The following MYPN variants were observed in gnomAD, a reference collection of about 807,000 sequenced individuals.
MYPN encodes sarcomeric protein myopalladin, 145 kDa (MYOP).
In MYPN, 63 loss-of-function variants were observed where a neutral mutation model predicts 129.4. The observed-to-expected ratio is 0.49, with a 90% CI of 0.40 to 0.60. The LOEUF (loss-of-function observed/expected upper bound fraction) is 0.60. MYPN is among the 20% of genes least tolerant of loss of function. The probability of loss-of-function intolerance (pLI) is 0.00; values close to 1 mark genes in which losing one functional copy is unlikely to be tolerated. For synonymous variants in MYPN, 629 were observed against 600.9 expected (o/e 1.05, Z -0.68); for missense variants, 1,596 against 1,635.4 (o/e 0.98, Z 0.42).
At chr10:68,128,748 G>T (rs2042364147) in intron 2 of MYPN, among the ~76,000 whole-genome samples, 1 of 152,182 alleles carries the variant, frequency 6.6e-6, no homozygotes, top group African/African-American at 2.4e-5. Flanking sequence ...AGGTTTTCTT[G>T]AAAATCAATA....
At chr10:68,160,128 C>A (rs2042948745) in intron 7 of MYPN, among the ~76,000 whole-genome samples, 1 of 151,992 alleles carries the variant, frequency 6.6e-6, no homozygotes, top group Non-Finnish European at 1.5e-5. Context: ...CTGAGAGATG[C>A]CGGGCACAGT....
chr10:68,152,512 A>G (rs562856302), intron 6 of MYPN, among the ~76,000 whole-genome samples: 1 of 152,168 alleles, frequency 6.6e-6, no homozygotes, highest in African/African-American at 2.4e-5. Flanking sequence ...TTACCTTTCA[A>G]TCTCTCCCGT....
chr10:68,089,094 C>G (rs1290354067), intron 1 of MYPN, among the ~76,000 whole-genome samples: 2 of 152,162 alleles, frequency 1.3e-5, no homozygotes, highest in Non-Finnish European at 2.9e-5. Context: ...TGCAGTGGTG[C>G]TAGCTTAGCT....
At chr10:68,196,493 T>TTTTTTTTTC in intron 15 of MYPN, among the ~76,000 whole-genome samples, 1 of 104,754 alleles carries the variant, frequency 9.5e-6, no homozygotes, top group Non-Finnish European at 2.4e-5. Context: ...CTTTTTTTTT[T>TTTTTTTTTC]TTTTTTTGAG....
chr10:68,148,046 C>T (rs2042698978), intron 4 of MYPN, among the ~76,000 whole-genome samples: 1 of 152,104 alleles, frequency 6.6e-6, no homozygotes, highest in Non-Finnish European at 1.5e-5. Context: ...AAAAAATTAC[C>T]TTCTGCACAT....
At chr10:68,100,635 G>C (rs1457763763) in intron 1 of MYPN, among the ~76,000 whole-genome samples, 1 of 152,190 alleles carries the variant, frequency 6.6e-6, no homozygotes, top group Non-Finnish European at 1.5e-5. Context: ...AAAAATAGTA[G>C]TAAGCCGGTT....
At chr10:68,206,950 T>TA in intron 19 of MYPN, 47 bp downstream of exon 19, 1 of 1,612,000 alleles carries the variant, frequency 6.2e-7, no homozygotes, top group Non-Finnish European at 8.5e-7. Context: ...ACTGACAGCT[T>TA]AAAAATATTT....
At chr10:68,108,472 CAAAT>C (rs778984061), upstream of MYPN, among the ~76,000 whole-genome samples, 11 of 152,154 alleles carry the variant, frequency 7.2e-5, no homozygotes, top group Non-Finnish European at 1.6e-4. Flanking sequence ...AAATAATTAT[CAAAT>C]GAATGAATGA....
intron 6 of MYPN, among the ~76,000 whole-genome samples, chr10:68,156,477 A>G (rs1009204837): frequency 6.6e-6 from 1 of 152,176 alleles, no homozygotes; most frequent in Non-Finnish European, 1.5e-5. Context: ...TAATTCAGAA[A>G]CCACTCGGTG....
rs540353916 is a variant in MYPN, at chr10:68,092,277, C to T, written c.-2+4285C>T. On this transcript the variant is annotated intron_variant, in intron 1 of 6. Transcript: ENST00000685154. ...AGACCCACCGAGGTGGGTGGATCAT[C>T]TGAGGTCAGGAGTTTGAGACCAGCC... 8.9e-4 allele frequency among the ~76,000 whole-genome samples: 136 copies of T among 152,126 alleles called. 1 individual carries two copies. Among genetic ancestry groups the T allele is most frequent in the African/African-American group, 3.2e-3 (133 of 41,488 alleles).
At chr10:68,149,853 C>T (rs1292541979) in intron 5 of MYPN, among the ~76,000 whole-genome samples, 187 bp from the exon 6 acceptor site, 3 of 152,074 alleles carry the variant, frequency 2.0e-5, no homozygotes, top group Admixed American at 2.0e-4. Context: ...TTATAGCCAC[C>T]ATGACCTAGA....
chr10:68,197,995 G>A (rs1027291618), intron 16 of MYPN, among the ~76,000 whole-genome samples: 3 of 152,154 alleles, frequency 2.0e-5, no homozygotes, highest in Non-Finnish European at 4.4e-5. Context: ...TACTCGGAAC[G>A]AAACACAATT....
intron 8 of MYPN, chr10:68,165,364 A>G: frequency 2.4e-6 from 1 of 423,638 alleles, no homozygotes; most frequent in Non-Finnish European, 4.6e-6. Context: ...AGGTAGGAGA[A>G]TCGCTTGAAC....
chr10:68,206,924 T>G, intron 19 of MYPN, 21 bp downstream of exon 19: 1 of 1,613,966 alleles, frequency 6.2e-7, no homozygotes, highest in South Asian at 1.1e-5. Context: ...TGCTGTTAGT[T>G]GAACATCTGT....
At chr10:68,191,995 C>A (rs901585760) in intron 13 of MYPN, among the ~76,000 whole-genome samples, 1 of 152,078 alleles carries the variant, frequency 6.6e-6, no homozygotes, top group African/African-American at 2.4e-5. Context: ...GCCTTTATTT[C>A]TTTTTCTTGC....
rs1564687262 is a variant in MYPN, at chr10:68,182,452, CATATATATATA to C, written c.2704-6451_2704-6441del. Among the ~76,000 whole-genome samples the C allele has an allele frequency of 1.6e-3, 186 of 116,160 alleles. 1 individual carries two copies. Among genetic ancestry groups the C allele is most frequent in the African/African-American group, 6.1e-3 (181 of 29,508 alleles). The allele number at this position is 116,160 out of a possible 152,430, so 76.2% of individuals were successfully genotyped here. On this transcript the variant is annotated intron_variant, in intron 12 of 19. Transcript: ENST00000358913. ...ACACATATATATAACATATATATAA[CATATATATATA>C]ACATATATACACACACACACACACA...
Position 68,174,360 on chromosome 10 carries a change from G to A in MYPN, c.2268G>A (p.Arg756=). 1.2e-6 allele frequency: 2 copies of A among 1,614,070 alleles called. No individual in the cohort carries two copies. Among genetic ancestry groups the A allele is most frequent in the Non-Finnish European group, 1.7e-6 (2 of 1,180,012 alleles). Residue 756 remains arginine, a synonymous_variant, in exon 11 of 20, where the codon AGG becomes AGA. Transcript: ENST00000358913. ...GCAGCACTCCTCAAACTATTCAGAG[G>A]ACAGTGAGCAAAGAAAGCCTCTTAG... The part of the protein sequence containing the change: ...TLSSTPQTIQ[R]TVSKESLLVS...
rs1236715105 is a variant in MYPN at position 68,195,542 on chromosome 10, G to A, written c.3158+10G>A. 6.2e-7 allele frequency: 1 copy of A among 1,611,960 alleles called. No individual in the cohort carries two copies. The highest frequency in any genetic ancestry group is 8.5e-7 in the Non-Finnish European group (1 of 1,178,170). Reference sequence around the variant, plus strand: ...CTGGTCAGTCTCACAGGTAAAGACAGTAAGAATTCCCCCTCTCTAGGCCCT... The same window carrying A: ...CTGGTCAGTCTCACAGGTAAAGACAATAAGAATTCCCCCTCTCTAGGCCCT... On this transcript the variant is annotated intron_variant, in intron 15 of 19. Coordinates refer to ENST00000358913, the MANE Select transcript of MYPN (RefSeq NM_032578.4).
chr10:68,131,689 T>C (rs1589538410), intron 2 of MYPN, among the ~76,000 whole-genome samples: 1 of 152,268 alleles, frequency 6.6e-6, no homozygotes, highest in East Asian at 1.9e-4. Flanking sequence ...TCATAGGCGG[T>C]ATTCTTTAAT....
Sources: gnomAD v4.1 joint callset for allele counts (sites outside exome capture counted in the v4.1 genomes callset) on GRCh38, gnomAD v4.1.1 for gene constraint, MANE v1.5 for transcripts, NCBI Gene and HGNC (gene_info 2026-07-23, HGNC 2026-07-21) for gene names.